ELFN1: variants seen among roughly 807,000 people sequenced by gnomAD.
ELFN1 encodes the protein extracellular leucine rich repeat and fibronectin type III domain containing 1.
Under a neutral mutation model 7.6 loss-of-function variants are expected in ELFN1, and 6 were observed. The observed-to-expected ratio is 0.79, with a 90% CI of 0.43 to 1.56. ELFN1 has a LOEUF of 1.56. Ranked by LOEUF, ELFN1 falls within the 40% of genes most tolerant of loss-of-function variation. The pLI, the probability that ELFN1 is intolerant of heterozygous loss-of-function variation, is 0.01. For missense variants in ELFN1, 1,169 were observed against 1,232.2 expected (o/e 0.95, Z 0.77); for synonymous variants, 657 against 588.1 (o/e 1.12, Z -1.70).
At chr7:1,711,589 AGAG>A (rs1206328777) in intron 3 of ELFN1, among the ~76,000 whole-genome samples, 2 of 142,850 alleles carry the variant, frequency 1.4e-5, no homozygotes, top group African/African-American at 5.4e-5. Context: ...AGAGAGAGAG[AGAG>A]AGAGAGAGAG....
chr7:1,675,316 G>A (rs1212122171), intron 1 of ELFN1, among the ~76,000 whole-genome samples: 1 of 152,228 alleles, frequency 6.6e-6, no homozygotes, highest in African/African-American at 2.4e-5. Context: ...GCCAGGTGGC[G>A]GCCGAGGGCT....
At chr7:1,696,808 C>T (rs1210567489) in intron 2 of ELFN1, among the ~76,000 whole-genome samples, 1 of 152,302 alleles carries the variant, frequency 6.6e-6, no homozygotes, top group East Asian at 1.9e-4. Context: ...TCTCATCAGC[C>T]GGGGGCCAGG....
chr7:1,697,867 C>T (rs1006874869), intron 2 of ELFN1, among the ~76,000 whole-genome samples: 14 of 152,190 alleles, frequency 9.2e-5, no homozygotes, highest in Non-Finnish European at 1.6e-4. Flanking sequence ...TCACGGCAGC[C>T]TTGAACTCCT....
Position 1,696,736 on chromosome 7 carries a change from G to A in ELFN1, c.-456+8586G>A, listed in dbSNP as rs180785940. Among the ~76,000 whole-genome samples, 396 of 152,150 alleles carry A rather than the reference G, an allele frequency of 2.6e-3. 2 individuals are homozygous for A. Among genetic ancestry groups the A allele is most frequent in the African/African-American group, 8.9e-3 (371 of 41,516 alleles). On this transcript the variant is annotated intron_variant, in intron 2 of 3. Transcript: ENST00000424383. ...TCCTTGTAAAGGCTCTAATCCCATCGTGGGCCCCACCCTCATGACCTCGGC... is the reference window on the plus strand; with the variant it reads ...TCCTTGTAAAGGCTCTAATCCCATCATGGGCCCCACCCTCATGACCTCGGC...
intron 2 of ELFN1, chr7:1,693,492 T>C: frequency 2.1e-6 from 1 of 470,940 alleles, no homozygotes. Flanking sequence ...AGGGACAGAG[T>C]ATACGATGTG....
intron 3 of ELFN1, among the ~76,000 whole-genome samples, chr7:1,716,819 A>C (rs1779847532): frequency 1.3e-5 from 2 of 152,178 alleles, no homozygotes; most frequent in Admixed American, 1.3e-4. Flanking sequence ...GGAGGCCAGC[A>C]CCAAGGCCTG....
At position 1,746,617 on chromosome 7, in the gene ELFN1, C is replaced by A; in HGVS notation, c.2021C>A (p.Ser674Tyr). ...GAGGCCAAGTACATCGAGAAGGGCT[C>A]CCCCGCGGCCGACGCCATCCTCACT... is the stretch of plus-strand genomic sequence containing the variant. ...AAEAKYIEKGSPAADAILTVT... is the reference protein window; with the variant it reads ...AAEAKYIEKGYPAADAILTVT... The change falls in exon 4 of 4, where the codon TCC becomes TAC. Residue 674 changes from serine to tyrosine, a missense_variant. Physicochemically the swap from Ser to Tyr is moderately radical, Grantham distance 144 (BLOSUM62 -2). Around this residue, in one of 2 missense-constraint regions of ELFN1, gnomAD observed 914 missense variants for 872.6 expected, o/e 1.05. Transcript: ENST00000424383. 7.4e-7 allele frequency: 1 copy of A among 1,348,940 alleles called. No homozygotes were observed. Among genetic ancestry groups the A allele is most frequent in the Non-Finnish European group, 9.5e-7 (1 of 1,055,002 alleles). 83.6% of individuals were successfully genotyped at this position (1,348,940 alleles called of 1,614,324 possible).
At chr7:1,731,961 G>A (rs1028387743) in intron 3 of ELFN1, among the ~76,000 whole-genome samples, 3 of 152,196 alleles carry the variant, frequency 2.0e-5, no homozygotes, top group African/African-American at 2.4e-5. Flanking sequence ...GTTGCCTTCC[G>A]TTATAGGCAG....
rs907407036 is a variant in ELFN1 at position 1,747,161 on chromosome 7, C to A, written c.*78C>A. On this transcript the variant is annotated 3_prime_UTR_variant, in exon 4 of 4. Coordinates refer to ENST00000424383, the MANE Select transcript of ELFN1 (RefSeq NM_001128636.4). ...CAGAGACTCAGCACCAAACCCAACACACGCACGCCACCACAGCAACTGTGA... is the reference window on the plus strand; with the variant it reads ...CAGAGACTCAGCACCAAACCCAACAAACGCACGCCACCACAGCAACTGTGA... The A allele has an allele frequency of 2.9e-6, 4 of 1,366,772 alleles. No homozygotes were observed. The African/African-American group carries it at 4.5e-5, about 15-fold the overall frequency. The allele number at this position is 1,366,772 out of a possible 1,614,324, so 84.7% of individuals were successfully genotyped here.
At position 1,695,267 on chromosome 7, in the gene ELFN1, G is replaced by A. The variant is rs762167814; in HGVS notation, c.-456+7117G>A. Reference sequence around the variant, plus strand: ...GAAGTAGTAGCGTGCCAGGTGCGTGGCCGGCCTCCCAGCCCTTCCCAGCAC... The same window carrying A: ...GAAGTAGTAGCGTGCCAGGTGCGTGACCGGCCTCCCAGCCCTTCCCAGCAC... On this transcript the variant is annotated intron_variant, in intron 2 of 3. Transcript: ENST00000424383. The surrounding 1 kb of genome is among the most constrained non-coding windows in gnomAD (Gnocchi z 5.1). Among the ~76,000 whole-genome samples, 6 of 152,298 alleles carry A rather than the reference G, an allele frequency of 3.9e-5. No individual in the cohort carries two copies. Among genetic ancestry groups the A allele is most frequent in the Non-Finnish European group, 7.4e-5 (5 of 68,022 alleles).
intron 3 of ELFN1, among the ~76,000 whole-genome samples, chr7:1,721,846 G>A (rs771225545): frequency 3.3e-5 from 5 of 152,148 alleles, no homozygotes; most frequent in African/African-American, 1.2e-4. Flanking sequence ...AGTCTCCCTC[G>A]GTCCCCTGTG....
At chr7:1,714,440 T>C (rs1393639099) in intron 3 of ELFN1, among the ~76,000 whole-genome samples, 2 of 152,206 alleles carry the variant, frequency 1.3e-5, no homozygotes, top group Non-Finnish European at 2.9e-5. Flanking sequence ...TCTAAATCCA[T>C]TCAGTTTTTA....
At chr7:1,731,483 C>T (rs1001579186) in intron 3 of ELFN1, among the ~76,000 whole-genome samples, 2 of 151,980 alleles carry the variant, frequency 1.3e-5, no homozygotes, top group African/African-American at 4.8e-5. Context: ...AGAAATGGTC[C>T]CACACAGAGG....
intron 3 of ELFN1, among the ~76,000 whole-genome samples, chr7:1,719,522 C>T (rs925734825): frequency 6.6e-6 from 1 of 152,234 alleles, no homozygotes; most frequent in African/African-American, 2.4e-5. Context: ...TTAGACATGG[C>T]CCTGTTGTTC....
intron 1 of ELFN1, among the ~76,000 whole-genome samples, chr7:1,676,182 G>C (rs1033670037): frequency 6.6e-6 from 1 of 152,198 alleles, no homozygotes; most frequent in East Asian, 1.9e-4. Context: ...GGGCACCCTG[G>C]AGAGGAACCC....
chr7:1,732,605 G>A (rs971120264), intron 3 of ELFN1, among the ~76,000 whole-genome samples: 3 of 152,226 alleles, frequency 2.0e-5, no homozygotes, highest in African/African-American at 7.2e-5. Context: ...TGGATTGACA[G>A]TTAAATGTAA....
intron 1 of ELFN1, among the ~76,000 whole-genome samples, 161 bp from the exon 2 acceptor site, chr7:1,687,897 T>G (rs1417695159): frequency 1.3e-5 from 2 of 152,172 alleles, no homozygotes; most frequent in South Asian, 2.1e-4. Flanking sequence ...TTTCTTTTAT[T>G]TGTTTATTTT....
At chr7:1,742,519 C>T (rs770305253) in intron 3 of ELFN1, among the ~76,000 whole-genome samples, 1 of 152,352 alleles carries the variant, frequency 6.6e-6, no homozygotes, top group South Asian at 2.1e-4. Context: ...CAGGTGCACA[C>T]GGCATGATGG....
Position 1,673,609 on chromosome 7 carries a change from C to T in ELFN1, c.-549+3255C>T, listed in dbSNP as rs929069089. On this transcript the variant is annotated intron_variant, in intron 1 of 3. Transcript: ENST00000424383. The surrounding 1 kb of genome is among the most constrained non-coding windows in gnomAD (Gnocchi z 4.7). Reference sequence around the variant, plus strand: ...GGGAGGTGAGAGACCACCCTGGGAGCGCTGATGGCAGACAAGGGCCAACTG... The same window carrying T: ...GGGAGGTGAGAGACCACCCTGGGAGTGCTGATGGCAGACAAGGGCCAACTG... Among the ~76,000 whole-genome samples the T allele has an allele frequency of 7.2e-5, 11 of 152,276 alleles. No individual in the cohort carries two copies. Among genetic ancestry groups the T allele is most frequent in the Admixed American group, 1.3e-4 (2 of 15,296 alleles).
Sources: allele counts gnomAD v4.1 joint callset (sites outside exome capture counted in the v4.1 genomes callset), GRCh38; gene constraint gnomAD v4.1.1; regional missense constraint gnomAD v4.1.1; non-coding constraint Gnocchi (gnomAD v3.1); transcripts MANE v1.5; gene names NCBI Gene and HGNC (gene_info 2026-07-23, HGNC 2026-07-21).